The following ARHGAP31 variants were observed in gnomAD, a reference collection of about 807,000 sequenced individuals.
The protein encoded by ARHGAP31 is Rho GTPase activating protein 31.
A neutral mutation model predicts 113.9 loss-of-function variants in ARHGAP31; 34 were observed. The observed-to-expected ratio is 0.30, with a 90% CI of 0.23 to 0.40. The LOEUF (loss-of-function observed/expected upper bound fraction) is 0.40, where lower values mean the gene tolerates loss of function less well. Ranked by LOEUF, ARHGAP31 falls within the 10% of genes least tolerant of loss-of-function variation. The pLI, the probability that ARHGAP31 is intolerant of heterozygous loss-of-function variation, is 1.00. For missense variants in ARHGAP31, 1,548 were observed against 1,767.1 expected (o/e 0.88, Z 2.22); for synonymous variants, 650 against 684.8 (o/e 0.95, Z 0.79).
At chr3:119,337,499 C>G (rs559622717) in intron 1 of ARHGAP31, among the ~76,000 whole-genome samples, 4 of 152,338 alleles carry the variant, frequency 2.6e-5, no homozygotes, top group South Asian at 4.1e-4. Flanking sequence ...TTCCACAATA[C>G]TGACGGGACC....
chr3:119,360,731 C>T (rs759398044), intron 1 of ARHGAP31, among the ~76,000 whole-genome samples: 16 of 152,176 alleles, frequency 1.1e-4, no homozygotes, highest in Non-Finnish European at 2.2e-4. Flanking sequence ...TCTTTTCCCT[C>T]AGAAACCTCT....
chr3:119,376,779 G>GTCAC (rs2080352940), intron 3 of ARHGAP31, among the ~76,000 whole-genome samples: 1 of 150,682 alleles, frequency 6.6e-6, no homozygotes, highest in African/African-American at 2.4e-5. Context: ...AAAAGGCAGT[G>GTCAC]TCACTTAGGG....
At chr3:119,308,480 A>G (rs1347760717) in intron 1 of ARHGAP31, among the ~76,000 whole-genome samples, 2 of 152,114 alleles carry the variant, frequency 1.3e-5, no homozygotes, top group African/African-American at 4.8e-5. Context: ...ACCTTCCTCC[A>G]TCTGTCTTCA....
At chr3:119,401,786 C>G (rs1245145785) in intron 9 of ARHGAP31, 36 bp from the exon 10 acceptor site, 1 of 1,603,270 alleles carries the variant, frequency 6.2e-7, no homozygotes, top group Non-Finnish European at 8.5e-7. Context: ...TATGTGTGCC[C>G]CGGCTGCTGA....
chr3:119,396,707 A>G (rs146267236), intron 8 of ARHGAP31, among the ~76,000 whole-genome samples: 58 of 152,328 alleles, frequency 3.8e-4, no homozygotes, highest in African/African-American at 1.3e-3. Flanking sequence ...ATGCTTTAAA[A>G]TTCCATAAAT....
At chr3:119,363,658 A>T (rs1024565790) in intron 1 of ARHGAP31, among the ~76,000 whole-genome samples, 7 of 152,226 alleles carry the variant, frequency 4.6e-5, no homozygotes, top group Non-Finnish European at 1.5e-5. Context: ...TAGGGAATTC[A>T]GGTAGAATGT....
At chr3:119,411,763 G>A (rs1204342560) in intron 11 of ARHGAP31, among the ~76,000 whole-genome samples, 1 of 152,118 alleles carries the variant, frequency 6.6e-6, no homozygotes, top group Non-Finnish European at 1.5e-5. Context: ...AGAGATATGT[G>A]AAAGAAATAA....
chr3:119,360,945 G>C (rs963034731), intron 1 of ARHGAP31, among the ~76,000 whole-genome samples: 1 of 152,176 alleles, frequency 6.6e-6, no homozygotes, highest in Non-Finnish European at 1.5e-5. Context: ...CACAGAATGA[G>C]CTCTGTGACT....
chr3:119,358,665 A>G (rs962600051), intron 1 of ARHGAP31, among the ~76,000 whole-genome samples: 1 of 152,252 alleles, frequency 6.6e-6, no homozygotes, highest in Non-Finnish European at 1.5e-5. Context: ...AGCCATAAAA[A>G]TGAATGAAAT....
At chr3:119,310,309 G>C (rs1364570600) in intron 1 of ARHGAP31, among the ~76,000 whole-genome samples, 1 of 152,212 alleles carries the variant, frequency 6.6e-6, no homozygotes, top group African/African-American at 2.4e-5. Flanking sequence ...ACAACATTCT[G>C]TGGTCACCCA....
At chr3:119,386,821 C>T (rs529923651) in intron 6 of ARHGAP31, among the ~76,000 whole-genome samples, 38 of 152,336 alleles carry the variant, frequency 2.5e-4, no homozygotes, top group Admixed American at 9.8e-4. Context: ...CCCTTCCCTG[C>T]CTGGCAGCTG....
intron 1 of ARHGAP31, among the ~76,000 whole-genome samples, chr3:119,337,387 A>T (rs1364102693): frequency 1.3e-5 from 2 of 152,164 alleles, no homozygotes; most frequent in Admixed American, 6.5e-5. Flanking sequence ...TTCAGGAGTG[A>T]AGCTGCAGAC....
intron 6 of ARHGAP31, among the ~76,000 whole-genome samples, chr3:119,389,774 C>T (rs910786481): frequency 2.0e-5 from 3 of 152,188 alleles, no homozygotes; most frequent in African/African-American, 7.2e-5. Context: ...ATCCTTGAGT[C>T]TTTTTACTAT....
intron 1 of ARHGAP31, among the ~76,000 whole-genome samples, chr3:119,296,995 T>C (rs1255987915): frequency 6.6e-6 from 1 of 152,192 alleles, no homozygotes; most frequent in Non-Finnish European, 1.5e-5. Context: ...CAGACAGCCC[T>C]GCTACAGGAT....
chr3:119,395,374 T>C (rs1180355479), intron 8 of ARHGAP31, among the ~76,000 whole-genome samples: 1 of 152,192 alleles, frequency 6.6e-6, no homozygotes, highest in African/African-American at 2.4e-5. Flanking sequence ...AACACCCTGA[T>C]AGAGGGAAGG....
Position 119,401,908 on chromosome 3 carries a change from G to C in ARHGAP31, c.1156G>C (p.Gly386Arg). Residue 386 changes from glycine (G) to arginine (R), a missense_variant, in exon 10 of 12, where the codon GGC becomes CGC. Physicochemically the swap from Gly to Arg is moderately radical, Grantham distance 125 (BLOSUM62 -2). Transcript: ENST00000264245. The part of the protein sequence containing the change: ...PATKMHSTGT[G>R]SSCDLTKQEG... ...AACAAAGATGCACTCCACCGGCACC[G>C]GCAGCTCATGTGACCTCACCAAGCA... The C allele has an allele frequency of 6.2e-7, 1 of 1,614,032 alleles. No individual in the cohort carries two copies. The highest frequency in any genetic ancestry group is 8.5e-7 in the Non-Finnish European group (1 of 1,179,992).
At chr3:119,317,958 G>T (rs925959354) in intron 1 of ARHGAP31, among the ~76,000 whole-genome samples, 3 of 152,166 alleles carry the variant, frequency 2.0e-5, no homozygotes, top group African/African-American at 7.2e-5. Context: ...GTTAAAAAGG[G>T]AATTGCTGTT....
chr3:119,386,441 T>C (rs1369399356), intron 6 of ARHGAP31, among the ~76,000 whole-genome samples: 1 of 152,172 alleles, frequency 6.6e-6, no homozygotes, highest in Admixed American at 6.5e-5. Context: ...ACAAGCTCCC[T>C]TGGGCCTCTT....
In ARHGAP31 at chr3:119,415,556, C is replaced by T. The variant is rs1577037549; in HGVS notation, c.3627C>T (p.Tyr1209=). Residue 1209 remains tyrosine, a synonymous_variant, in exon 12 of 12, where the codon TAC becomes TAT. Coordinates refer to ENST00000264245, the MANE Select transcript of ARHGAP31 (RefSeq NM_020754.4). ...CAGTCATCCCTCCCAAGATTCAGTACACCCAGATCCCACAGCCCCTGCCCT... is the reference window on the plus strand; with the variant it reads ...CAGTCATCCCTCCCAAGATTCAGTATACCCAGATCCCACAGCCCCTGCCCT... ...AVPVIPPKIQ[Y]TQIPQPLPSQ... 1 of 1,614,176 alleles carries T rather than the reference C, an allele frequency of 6.2e-7. No homozygotes were observed. The highest frequency in any genetic ancestry group is 8.5e-7 in the Non-Finnish European group (1 of 1,180,044).
Sources: gnomAD v4.1 joint callset for allele counts (sites outside exome capture counted in the v4.1 genomes callset) on GRCh38, gnomAD v4.1.1 for gene constraint, MANE v1.5 for transcripts, NCBI Gene and HGNC (gene_info 2026-07-23, HGNC 2026-07-21) for gene names.